OSBPL8: variants seen among roughly 807,000 people sequenced by gnomAD.
OSBPL8 encodes oxysterol-binding protein-related protein 8.
OSBPL8 carries 59 observed loss-of-function variants against 125.5 expected under a neutral mutation model. The observed-to-expected ratio is 0.47, with a 90% CI of 0.38 to 0.58. The LOEUF is 0.58. Ranked by LOEUF, OSBPL8 falls within the 20% of genes least tolerant of loss-of-function variation. OSBPL8 has a pLI of 0.00. For synonymous variants in OSBPL8, 330 were observed against 338.9 expected, an observed-to-expected ratio of 0.97 and a Z score of 0.29; for missense variants, 758 against 1,047.8, an observed-to-expected ratio of 0.72 and a Z score of 3.82.
intron 1 of OSBPL8, among the ~76,000 whole-genome samples, chr12:76,535,160 TAA>T (rs1297841197): frequency 6.6e-6 from 1 of 152,090 alleles, no homozygotes; most frequent in Non-Finnish European, 1.5e-5. Context: ...TACTTCTCTT[TAA>T]AAAGTTTTTA....
intron 4 of OSBPL8, among the ~76,000 whole-genome samples, chr12:76,447,398 G>T (rs1438254029): frequency 2.0e-5 from 3 of 152,298 alleles, no homozygotes; most frequent in African/African-American, 7.2e-5. Flanking sequence ...TGCCAAAAAT[G>T]CTCTAGCTAG....
intron 12 of OSBPL8, among the ~76,000 whole-genome samples, chr12:76,387,088 T>C (rs765918183): frequency 2.0e-5 from 3 of 152,182 alleles, no homozygotes; most frequent in Non-Finnish European, 4.4e-5. Flanking sequence ...ACAATTTTGT[T>C]AGAAGTCTTC....
At chr12:76,501,017 T>C (rs950716417) in intron 1 of OSBPL8, among the ~76,000 whole-genome samples, 2 of 152,332 alleles carry the variant, frequency 1.3e-5, no homozygotes, top group East Asian at 1.9e-4. Context: ...TTTGTGCCAG[T>C]AACTTTGGTT....
At chr12:76,518,085 C>T in intron 1 of OSBPL8, among the ~76,000 whole-genome samples, 1 of 152,190 alleles carries the variant, frequency 6.6e-6, no homozygotes, top group East Asian at 1.9e-4. Context: ...GTCATGCTGG[C>T]ATCAACTCAA....
chr12:76,359,651 A>G (rs1952122692), intron 21 of OSBPL8, among the ~76,000 whole-genome samples: 1 of 152,202 alleles, frequency 6.6e-6, no homozygotes, highest in African/African-American at 2.4e-5. Flanking sequence ...ATGGTTCCAC[A>G]TGTCTGCAGA....
intron 19 of OSBPL8, among the ~76,000 whole-genome samples, chr12:76,370,759 C>T (rs928092070): frequency 6.6e-6 from 1 of 152,110 alleles, no homozygotes; most frequent in African/African-American, 2.4e-5. Flanking sequence ...GGTACACAGA[C>T]TTGAATTCCC....
chr12:76,481,331 G>T (rs1208661767), intron 2 of OSBPL8, among the ~76,000 whole-genome samples: 1 of 152,200 alleles, frequency 6.6e-6, no homozygotes, highest in Non-Finnish European at 1.5e-5. Flanking sequence ...CAGAGGATTA[G>T]TAATTGGCAT....
At position 76,373,443 on chromosome 12, in the gene OSBPL8, G is replaced by A. The variant is rs760151689; in HGVS notation, c.1828-10C>T. The A allele has an allele frequency of 1.9e-6, 3 of 1,551,110 alleles. No homozygotes were observed. Among genetic ancestry groups the A allele is most frequent in the East Asian group, 4.5e-5 (2 of 44,268 alleles). On this transcript the variant is annotated splice_polypyrimidine_tract_variant and intron_variant, in intron 17 of 23. Transcript: ENST00000261183. ...TACTCCCTAGGAATGGCTTTTAAACGAGAAAATGTTAAACATTTTACTTTT... is the reference window on the plus strand; with the variant it reads ...TACTCCCTAGGAATGGCTTTTAAACAAGAAAATGTTAAACATTTTACTTTT...
At chr12:76,431,070 T>C (rs759061171) in intron 4 of OSBPL8, among the ~76,000 whole-genome samples, 4 of 152,062 alleles carry the variant, frequency 2.6e-5, no homozygotes, top group African/African-American at 4.8e-5. Flanking sequence ...AACTTATTGA[T>C]AGGAACACAA....
chr12:76,533,603 C>T (rs558498992), intron 1 of OSBPL8, among the ~76,000 whole-genome samples: 4 of 152,238 alleles, frequency 2.6e-5, no homozygotes, highest in African/African-American at 4.8e-5. Flanking sequence ...CACTTAACAA[C>T]GATCAGTCTA....
intron 3 of OSBPL8, among the ~76,000 whole-genome samples, chr12:76,458,668 A>C (rs1592718030): frequency 6.6e-6 from 1 of 152,220 alleles, no homozygotes; most frequent in East Asian, 1.9e-4. Context: ...TGGGTGACAG[A>C]GTGAGTCCCC....
intron 2 of OSBPL8, among the ~76,000 whole-genome samples, chr12:76,480,413 G>A (rs1209851429): frequency 4.6e-5 from 7 of 152,094 alleles, no homozygotes; most frequent in Non-Finnish European, 5.9e-5. Flanking sequence ...GTCAATCCAA[G>A]TTGATAATTG....
chr12:76,547,185 G>T (rs1179077502), intron 1 of OSBPL8, among the ~76,000 whole-genome samples: 1 of 152,130 alleles, frequency 6.6e-6, no homozygotes, highest in Non-Finnish European at 1.5e-5. Flanking sequence ...TATGAGAAAA[G>T]AATTGAAAAC....
In OSBPL8 at chr12:76,373,446, A is replaced by T. The variant is rs1952695601; in HGVS notation, c.1828-13T>A. 1 of 1,544,064 alleles carries T rather than the reference A, an allele frequency of 6.5e-7. No homozygotes were observed. Among genetic ancestry groups the T allele is most frequent in the Admixed American group, 1.8e-5 (1 of 55,062 alleles). On this transcript the variant is annotated splice_polypyrimidine_tract_variant and intron_variant, in intron 17 of 23. Transcript: ENST00000261183. ...TCCCTAGGAATGGCTTTTAAACGAG[A>T]AAATGTTAAACATTTTACTTTTCAC...
rs188122535 is a variant in OSBPL8, at chr12:76,513,033, C to T, written c.-67-25415G>A. Among the ~76,000 whole-genome samples, 313 of 152,280 alleles carry T rather than the reference C, an allele frequency of 2.1e-3. 2 individuals carry two copies. Among genetic ancestry groups the T allele is most frequent in the Non-Finnish European group, 3.9e-3 (268 of 68,020 alleles). The stretch of plus-strand genomic sequence containing the variant: ...TGATATTTGTATATTGGTTTTGCAT[C>T]CTTAAACTTTGCTGAACTTACCCAA... On this transcript the variant is annotated intron_variant, in intron 1 of 23. Transcript: ENST00000261183.
chr12:76,387,962 TTTAAG>T (rs1953388683), intron 12 of OSBPL8, among the ~76,000 whole-genome samples: 2 of 152,216 alleles, frequency 1.3e-5, no homozygotes, highest in African/African-American at 2.4e-5. Flanking sequence ...AAAGCTTCCT[TTTAAG>T]TTTTCTTTAG....
At chr12:76,492,985 G>A (rs1878894408) in intron 1 of OSBPL8, among the ~76,000 whole-genome samples, 1 of 151,814 alleles carries the variant, frequency 6.6e-6, no homozygotes, top group Non-Finnish European at 1.5e-5. Flanking sequence ...CACATTCTGG[G>A]TCAAAATTTA....
intron 12 of OSBPL8, 58 bp from the exon 13 acceptor site, chr12:76,386,718 CATTT>C (rs1364262702): frequency 3.9e-5 from 47 of 1,200,820 alleles, no homozygotes; most frequent in African/African-American, 3.5e-4. Flanking sequence ...TTCTCTCTCA[CATTT>C]ATTAACCAAT....
intron 2 of OSBPL8, among the ~76,000 whole-genome samples, chr12:76,477,692 A>G (rs781322129): frequency 6.6e-6 from 1 of 152,168 alleles, no homozygotes; most frequent in Non-Finnish European, 1.5e-5. Flanking sequence ...TCAAGTATGG[A>G]TTTCTGTTAA....
Sources: allele counts gnomAD v4.1 joint callset (sites outside exome capture counted in the v4.1 genomes callset), GRCh38; gene constraint gnomAD v4.1.1; transcripts MANE v1.5; gene names NCBI Gene and HGNC (gene_info 2026-07-23, HGNC 2026-07-21).